The following SLC25A20 variants were observed in gnomAD, a reference collection of about 807,000 sequenced individuals.
SLC25A20 encodes the protein solute carrier family 25 member 20, also known as mitochondrial carnitine/acylcarnitine carrier protein.
Under a neutral mutation model 39.7 loss-of-function variants are expected in SLC25A20, and 29 were observed. The observed-to-expected ratio is 0.73, with a 90% CI of 0.54 to 1.00. SLC25A20 has a LOEUF of 1.00. Ranked by LOEUF, SLC25A20 falls within the 50% of genes least tolerant of loss-of-function variation. The pLI is 0.00. For missense variants in SLC25A20, 333 were observed against 379.9 expected (o/e 0.88, Z 1.03); for synonymous variants, 103 against 142.2 (o/e 0.72, Z 1.96).
chr3:48,887,705 C>T (rs747064493), intron 2 of SLC25A20, among the ~76,000 whole-genome samples: 21 of 152,042 alleles, frequency 1.4e-4, no homozygotes, highest in Non-Finnish European at 2.6e-4. Context: ...AGTTCAAGAC[C>T]GGCCTGGCCA....
intron 2 of SLC25A20, among the ~76,000 whole-genome samples, 154 bp from the exon 3 acceptor site, chr3:48,884,278 T>C (rs1045043839): frequency 6.6e-6 from 1 of 152,250 alleles, no homozygotes; most frequent in African/African-American, 2.4e-5. Context: ...CCCACATTTA[T>C]CAGAAATAAT....
chr3:48,869,761 G>A (rs904173353), intron 4 of SLC25A20, among the ~76,000 whole-genome samples: 6 of 151,978 alleles, frequency 3.9e-5, no homozygotes, highest in African/African-American at 1.2e-4. Context: ...GCAGTAAGCC[G>A]TTATCAGACC....
Position 48,862,628 on chromosome 3 carries a change from G to C in SLC25A20, c.449C>G (p.Thr150Ser). 1 of 1,613,902 alleles carries C rather than the reference G, an allele frequency of 6.2e-7. No individual in the cohort carries two copies. Among genetic ancestry groups the C allele is most frequent in the Non-Finnish European group, 8.5e-7 (1 of 1,179,796 alleles). ...IQASSGESKY[T>S]GTLDCAKKLY... ...CTTCTTTGCACAGTCCAAGGTACCA[G>C]TGTACTTGCTTTCTCCTGAAGAAGC... is the stretch of plus-strand genomic sequence containing the variant. The change falls in exon 5 of 9, where the codon ACT (threonine) becomes AGT (serine). Residue 150 changes from threonine to serine, a missense_variant. Physicochemically the swap from Thr to Ser is moderately conservative, Grantham distance 58. Coordinates refer to ENST00000319017, the MANE Select transcript of SLC25A20 (RefSeq NM_000387.6).
At chr3:48,894,606 GT>G (rs1183986066) in intron 1 of SLC25A20, among the ~76,000 whole-genome samples, 4 of 151,762 alleles carry the variant, frequency 2.6e-5, no homozygotes, top group African/African-American at 9.7e-5. Flanking sequence ...AAGCCATTAA[GT>G]TTTGGGGTAA....
chr3:48,869,543 G>A (rs139231337), intron 4 of SLC25A20, among the ~76,000 whole-genome samples: 266 of 152,102 alleles, frequency 1.7e-3, no homozygotes, highest in Middle Eastern at 0.01. Flanking sequence ...TTTTTAAATA[G>A]GCCAGGTACA....
chr3:48,871,938 C>T (rs1200043467), intron 4 of SLC25A20, among the ~76,000 whole-genome samples: 4 of 150,810 alleles, frequency 2.7e-5, no homozygotes, highest in South Asian at 4.2e-4. Context: ...CCTCACCACC[C>T]GCAAGTAGCT....
intron 1 of SLC25A20, 71 bp from the exon 2 acceptor site, chr3:48,892,143 G>T: frequency 1.7e-6 from 2 of 1,175,444 alleles, no homozygotes; most frequent in Non-Finnish European, 2.6e-6. Context: ...TGGCCCAACT[G>T]TCTGCCAAAC....
At position 48,896,483 on chromosome 3, in the gene SLC25A20, TTTTTGTTTTG is replaced by T. The variant is rs144499213; in HGVS notation, c.105+2197_105+2206del. ...GAACATTAAAGTCCTTTGCAGGTGGTTTTTGTTTTGTTTTGTTTTGTTTTGTTTTGTTTTG... is the reference window on the plus strand; with the variant it reads ...GAACATTAAAGTCCTTTGCAGGTGGTTTTTGTTTTGTTTTGTTTTGTTTTG... On this transcript the variant is annotated intron_variant, in intron 1 of 8. Coordinates refer to ENST00000319017, the MANE Select transcript of SLC25A20 (RefSeq NM_000387.6). Among the ~76,000 whole-genome samples, 252 of 147,096 alleles carry T rather than the reference TTTTTGTTTTG, an allele frequency of 1.7e-3. 1 individual carries two copies. Among genetic ancestry groups the T allele is most frequent in the African/African-American group, 4.4e-3 (175 of 39,664 alleles).
chr3:48,867,209 T>G (rs2083677560), intron 4 of SLC25A20, among the ~76,000 whole-genome samples: 1 of 151,900 alleles, frequency 6.6e-6, no homozygotes, highest in Non-Finnish European at 1.5e-5. Context: ...CCAAAAGTGC[T>G]GAGATTATAG....
At position 48,862,622 on chromosome 3, in the gene SLC25A20, G is replaced by C; in HGVS notation, c.455C>G (p.Thr152Ser). Residue 152 changes from threonine to serine, a missense_variant, in exon 5 of 9, where the codon ACC becomes AGC. Coordinates refer to ENST00000319017, the MANE Select transcript of SLC25A20 (RefSeq NM_000387.6). Reference protein sequence around the residue: ...ASSGESKYTGTLDCAKKLYQE... With the variant: ...ASSGESKYTGSLDCAKKLYQE... ...GTACAGCTTCTTTGCACAGTCCAAG[G>C]TACCAGTGTACTTGCTTTCTCCTGA... 1 of 1,613,984 alleles carries C rather than the reference G, an allele frequency of 6.2e-7. No individual in the cohort carries two copies. Among genetic ancestry groups the C allele is most frequent in the Non-Finnish European group, 8.5e-7 (1 of 1,179,870 alleles).
intron 2 of SLC25A20, among the ~76,000 whole-genome samples, chr3:48,887,925 C>T (rs2083842723): frequency 6.6e-6 from 1 of 151,064 alleles, no homozygotes; most frequent in Admixed American, 6.6e-5. Context: ...GAAGAAAGGG[C>T]AGGCCAGGCG....
intron 4 of SLC25A20, among the ~76,000 whole-genome samples, chr3:48,870,447 C>A (rs2083704998): frequency 6.6e-6 from 1 of 151,990 alleles, no homozygotes; most frequent in African/African-American, 2.4e-5. Flanking sequence ...ATTATAATAT[C>A]ATTTACAACA....
chr3:48,862,110 A>G (rs1414468157), intron 5 of SLC25A20, among the ~76,000 whole-genome samples: 1 of 152,240 alleles, frequency 6.6e-6, no homozygotes, highest in African/African-American at 2.4e-5. Flanking sequence ...TGACATGCCC[A>G]CAGTTATAAG....
At chr3:48,894,824 T>C (rs1280964293) in intron 1 of SLC25A20, among the ~76,000 whole-genome samples, 3 of 152,144 alleles carry the variant, frequency 2.0e-5, no homozygotes, top group African/African-American at 4.8e-5. Flanking sequence ...TTTGTTTTGT[T>C]TTGTTTTGTT....
At position 48,856,935 on chromosome 3, in the gene SLC25A20, A is replaced by G. The variant is rs1229990422; in HGVS notation, c.*775T>C. Reference sequence around the variant, plus strand: ...AAATATAACACAATGCAAAAATTAGAAACAACGTTTATTGTTTATTGTTAA... The same window carrying G: ...AAATATAACACAATGCAAAAATTAGGAACAACGTTTATTGTTTATTGTTAA... On this transcript the variant is annotated 3_prime_UTR_variant, in exon 9 of 9. Coordinates refer to ENST00000319017, the MANE Select transcript of SLC25A20 (RefSeq NM_000387.6). 6.6e-6 allele frequency: 1 copy of G among 152,198 alleles called. No homozygotes were observed. The highest frequency in any genetic ancestry group is 1.5e-5 in the Non-Finnish European group (1 of 68,032). The allele number at this position is 152,198 out of a possible 1,614,324, so 9.4% of individuals were successfully genotyped here. A position where few individuals can be genotyped will look rare whatever the true frequency, so the allele number is the denominator to read the frequency against.
chr3:48,891,047 G>C (rs1289771497), intron 2 of SLC25A20, among the ~76,000 whole-genome samples: 1 of 152,056 alleles, frequency 6.6e-6, no homozygotes, highest in Non-Finnish European at 1.5e-5. Context: ...CCCCGGCCCA[G>C]CTGTTTTCTC....
At position 48,859,086 on chromosome 3, in the gene SLC25A20, A is replaced by G. The variant is rs1385955154; in HGVS notation, c.718+6T>C. ...CCCCCTGTCCACCCCACTACCTTCC[A>G]CTCACCAGTCTGGAATCGAGACTTG... On this transcript the variant is annotated splice_donor_region_variant and intron_variant, in intron 7 of 8. Coordinates refer to ENST00000319017, the MANE Select transcript of SLC25A20 (RefSeq NM_000387.6). 3.7e-6 allele frequency: 6 copies of G among 1,611,870 alleles called. No homozygotes were observed. Among genetic ancestry groups the G allele is most frequent in the Non-Finnish European group, 5.1e-6 (6 of 1,178,550 alleles).
chr3:48,885,226 T>C (rs1474625049), intron 2 of SLC25A20, among the ~76,000 whole-genome samples: 1 of 151,874 alleles, frequency 6.6e-6, no homozygotes. Context: ...AGCTATGACC[T>C]TGCCACTGTA....
chr3:48,859,257 G>C, intron 6 of SLC25A20, 56 bp from the exon 7 acceptor site: 1 of 1,498,246 alleles, frequency 6.7e-7, no homozygotes, highest in Non-Finnish European at 9.3e-7. Context: ...GTGGCATTCA[G>C]ACTATCCTGC....
Sources: gnomAD v4.1 joint callset for allele counts (sites outside exome capture counted in the v4.1 genomes callset) on GRCh38, gnomAD v4.1.1 for gene constraint, MANE v1.5 for transcripts, NCBI Gene and HGNC (gene_info 2026-07-23, HGNC 2026-07-21) for gene names.